Variants in MBD5 observed in about 807,000 individuals in gnomAD.
MBD5 encodes methyl-CpG-binding domain protein 5.
A neutral mutation model predicts 117.3 loss-of-function variants in MBD5; 13 were observed. That is an observed-to-expected ratio of 0.11 (90% CI 0.07 to 0.18). The LOEUF (loss-of-function observed/expected upper bound fraction) is 0.18, where lower values mean the gene tolerates loss of function less well. Ranked by LOEUF, MBD5 falls within the 10% of genes least tolerant of loss-of-function variation. MBD5 has a pLI of 1.00. For synonymous variants in MBD5, 727 were observed against 766.4 expected (o/e 0.95, Z 0.85); for missense variants, 1,879 against 2,093.8 (o/e 0.90, Z 2.00).
At chr2:148,254,153 T>G (rs1164837647) in intron 3 of MBD5, among the ~76,000 whole-genome samples, 1 of 152,218 alleles carries the variant, frequency 6.6e-6, no homozygotes, top group Non-Finnish European at 1.5e-5. Context: ...AGCCTAGGGA[T>G]GCCCACCCTC....
At chr2:148,328,115 C>G (rs1468265000) in intron 3 of MBD5, among the ~76,000 whole-genome samples, 56 of 152,264 alleles carry the variant, frequency 3.7e-4, no homozygotes, top group African/African-American at 4.6e-4. Context: ...AGGTGTCAGT[C>G]TGCCCCTGCT....
At chr2:148,148,186 A>G (rs1697519455) in intron 1 of MBD5, among the ~76,000 whole-genome samples, 1 of 152,144 alleles carries the variant, frequency 6.6e-6, no homozygotes, top group African/African-American at 2.4e-5. Context: ...ATGTCCTGAA[A>G]ATGGAGCTTA....
At chr2:148,081,171 A>G (rs565810420) in intron 1 of MBD5, among the ~76,000 whole-genome samples, 18 of 152,296 alleles carry the variant, frequency 1.2e-4, no homozygotes, top group Middle Eastern at 3.4e-3. Context: ...ATTTTAATGT[A>G]AAAGGGTCTA....
chr2:148,154,341 C>G (rs879161786), intron 1 of MBD5, among the ~76,000 whole-genome samples: 1 of 151,846 alleles, frequency 6.6e-6, no homozygotes, highest in Admixed American at 6.6e-5. Flanking sequence ...TCAAAGCTGT[C>G]AGACAGGGAC....
intron 4 of MBD5, among the ~76,000 whole-genome samples, chr2:148,356,899 C>CTTTTCT (rs1553504881): frequency 2.0e-5 from 3 of 151,218 alleles, no homozygotes; most frequent in East Asian, 1.9e-4. Flanking sequence ...CTTTTCTTTT[C>CTTTTCT]TTTTTTTTTA....
chr2:148,442,093 G>C (rs1327046783), intron 4 of MBD5, among the ~76,000 whole-genome samples: 2 of 151,856 alleles, frequency 1.3e-5, no homozygotes, highest in Non-Finnish European at 2.9e-5. Flanking sequence ...TTGCTGTGCA[G>C]AAGCTCTTTA....
chr2:148,405,954 A>G (rs926204828), intron 4 of MBD5, among the ~76,000 whole-genome samples: 1 of 152,034 alleles, frequency 6.6e-6, no homozygotes, highest in Non-Finnish European at 1.5e-5. Flanking sequence ...CCAAATCTCT[A>G]TAGAAAATAT....
At chr2:148,397,347 T>G (rs959358730) in intron 4 of MBD5, among the ~76,000 whole-genome samples, 7 of 109,828 alleles carry the variant, frequency 6.4e-5, no homozygotes, top group African/African-American at 2.5e-4. Flanking sequence ...TTTTTTTTTT[T>G]GAGACGGAGT....
intron 3 of MBD5, among the ~76,000 whole-genome samples, chr2:148,330,033 A>ACCCCCCCCCCCCCCCCCCCCC (rs56712549): frequency 1.2e-3 from 21 of 17,690 alleles, no homozygotes; most frequent in East Asian, 1.3e-3. Context: ...GTAGGTAAGA[A>ACCCCCCCCCCCCCCCCCCCCC]CCCCCCCCCG....
intron 1 of MBD5, among the ~76,000 whole-genome samples, chr2:148,073,161 A>C (rs1181718636): frequency 1.3e-5 from 2 of 152,028 alleles, no homozygotes; most frequent in African/African-American, 4.8e-5. Context: ...ATGTTTTTCT[A>C]TTACTGTATG....
chr2:148,464,182 T>C (rs1185553370), intron 7 of MBD5, among the ~76,000 whole-genome samples: 2 of 152,172 alleles, frequency 1.3e-5, no homozygotes, highest in African/African-American at 4.8e-5. Context: ...ACTCTGCAAG[T>C]GTGTAAAGCT....
intron 3 of MBD5, among the ~76,000 whole-genome samples, chr2:148,233,842 T>C (rs1558984072): frequency 6.6e-6 from 1 of 152,198 alleles, no homozygotes; most frequent in Non-Finnish European, 1.5e-5. Context: ...TTCCTCCCTT[T>C]TCTTTAACAA....
intron 3 of MBD5, among the ~76,000 whole-genome samples, chr2:148,282,430 C>T (rs1452522463): frequency 1.3e-5 from 2 of 152,102 alleles, no homozygotes; most frequent in African/African-American, 2.4e-5. Context: ...CTGCATGACT[C>T]ATCTTTTCAA....
chr2:148,159,476 G>A (rs1697954601), intron 1 of MBD5, among the ~76,000 whole-genome samples: 1 of 151,948 alleles, frequency 6.6e-6, no homozygotes, highest in Non-Finnish European at 1.5e-5. Context: ...TGTAGAGATA[G>A]GGTTTCACCA....
chr2:148,174,279 T>G (rs1216755236), intron 1 of MBD5, among the ~76,000 whole-genome samples: 1 of 152,094 alleles, frequency 6.6e-6, no homozygotes, highest in Non-Finnish European at 1.5e-5. Flanking sequence ...GGACCCTTAT[T>G]TCACTCCATA....
chr2:148,151,537 C>T (rs1323200920), intron 1 of MBD5, among the ~76,000 whole-genome samples: 1 of 152,130 alleles, frequency 6.6e-6, no homozygotes, highest in Admixed American at 6.5e-5. Flanking sequence ...CTCCTTGTAC[C>T]TCTGGTAAAA....
At chr2:148,046,944 C>G (rs1694551934) in intron 1 of MBD5, among the ~76,000 whole-genome samples, 1 of 152,168 alleles carries the variant, frequency 6.6e-6, no homozygotes, top group Non-Finnish European at 1.5e-5. Flanking sequence ...CCTCCAGCTT[C>G]ATCTCCCATT....
chr2:148,286,874 G>A (rs576040311), intron 3 of MBD5, among the ~76,000 whole-genome samples: 1 of 152,200 alleles, frequency 6.6e-6, no homozygotes, highest in African/African-American at 2.4e-5. Flanking sequence ...TTAACTGAAG[G>A]CTATTTAAAT....
intron 5 of MBD5, among the ~76,000 whole-genome samples, chr2:148,461,771 T>C (rs936037122): frequency 5.3e-5 from 8 of 152,252 alleles, no homozygotes; most frequent in Admixed American, 4.6e-4. Flanking sequence ...AGACATCTCT[T>C]GTCATCTGAA....
Sources: allele counts gnomAD v4.1 joint callset (sites outside exome capture counted in the v4.1 genomes callset), GRCh38; gene constraint gnomAD v4.1.1; transcripts MANE v1.5; gene names NCBI Gene and HGNC (gene_info 2026-07-23, HGNC 2026-07-21).